Variants in FIRRM observed in about 807,000 individuals in gnomAD.
FIRRM encodes FIGNL1 interacting regulator of recombination and mitosis.
chr1:169,803,750 C>T, the FIRRM span, among the ~76,000 whole-genome samples: 3 of 152,160 alleles, frequency 2.0e-5, no homozygotes, highest in Non-Finnish European at 2.9e-5. Context: ...GGGTCACAGA[C>T]AGTTTTAATA....
chr1:169,803,219 T>A, the FIRRM span: 1 of 1,614,056 alleles, frequency 6.2e-7, no homozygotes, highest in Non-Finnish European at 8.5e-7. Flanking sequence ...AGCATATCTG[T>A]GCCACACAGG....
At chr1:169,819,915 GC>G in the FIRRM span, among the ~76,000 whole-genome samples, 1 of 152,194 alleles carries the variant, frequency 6.6e-6, no homozygotes, top group Non-Finnish European at 1.5e-5. Context: ...AAATGGCAAA[GC>G]CTTAGCTGCT....
At chr1:169,822,385 A>T in the FIRRM span, among the ~76,000 whole-genome samples, 1 of 152,238 alleles carries the variant, frequency 6.6e-6, no homozygotes, top group African/African-American at 2.4e-5. Context: ...CAAATTGAAC[A>T]TGGACAATAG....
the FIRRM span, chr1:169,803,254 A>C: frequency 6.2e-7 from 1 of 1,613,812 alleles, no homozygotes. Context: ...GAAAATATTC[A>C]GAGTCTCCCC....
At chr1:169,795,050 T>A in the FIRRM span, 1 of 1,426,222 alleles carries the variant, frequency 7.0e-7, no homozygotes, top group African/African-American at 1.4e-5. Context: ...ACTGCGAGTT[T>A]CCGGTCTGGG....
chr1:169,789,743 C>T, the FIRRM span, among the ~76,000 whole-genome samples: 2 of 152,148 alleles, frequency 1.3e-5, no homozygotes, highest in Admixed American at 6.5e-5. Flanking sequence ...AGGTTTAGAA[C>T]TTAGTGGTTT....
chr1:169,829,390 G>C, the FIRRM span: 1 of 1,613,798 alleles, frequency 6.2e-7, no homozygotes, highest in South Asian at 1.1e-5. Flanking sequence ...GTATCAGCAT[G>C]TTTGTGTTCA....
chr1:169,808,355 G>A, the FIRRM span, among the ~76,000 whole-genome samples: 1 of 152,122 alleles, frequency 6.6e-6, no homozygotes, highest in African/African-American at 2.4e-5. Flanking sequence ...GTATGTATCA[G>A]TCTTTTAAAT....
the FIRRM span, chr1:169,826,916 T>C: frequency 1.4e-6 from 1 of 719,040 alleles, no homozygotes; most frequent in South Asian, 2.8e-5. Flanking sequence ...TTTTGTTTTA[T>C]AAAATGCACA....
the FIRRM span, among the ~76,000 whole-genome samples, chr1:169,814,256 A>G: frequency 6.6e-6 from 1 of 152,248 alleles, no homozygotes; most frequent in Non-Finnish European, 1.5e-5. Context: ...CTTAGCACAC[A>G]GAGACCATAC....
the FIRRM span, chr1:169,806,041 C>T: frequency 6.2e-7 from 1 of 1,601,680 alleles, no homozygotes; most frequent in Non-Finnish European, 8.5e-7. Context: ...CTGTTATTTC[C>T]AGTATGGACC....
chr1:169,848,483 A>C, the FIRRM span, among the ~76,000 whole-genome samples: 1 of 152,212 alleles, frequency 6.6e-6, no homozygotes, highest in African/African-American at 2.4e-5. Context: ...TACATAATTA[A>C]AGCAAACACA....
chr1:169,807,464 T>G, the FIRRM span, among the ~76,000 whole-genome samples: 1 of 152,170 alleles, frequency 6.6e-6, no homozygotes, highest in Admixed American at 6.5e-5. Flanking sequence ...TATTTAACAT[T>G]CTCTCTCATG....
the FIRRM span, chr1:169,795,171 G>A: frequency 6.0e-5 from 92 of 1,536,118 alleles, 1 homozygote; most frequent in African/African-American, 9.8e-4. Context: ...GGCCAGAGGA[G>A]CTATGCCGCC....
At chr1:169,853,205 CAAAG>C in the FIRRM span, 2 of 562,020 alleles carry the variant, frequency 3.6e-6, no homozygotes, top group Non-Finnish European at 6.3e-6. Flanking sequence ...CCTAGGTCCA[CAAAG>C]AACCATTTAC....
chr1:169,832,639 G>T, the FIRRM span: 1 of 633,610 alleles, frequency 1.6e-6, no homozygotes, highest in Non-Finnish European at 2.7e-6. Flanking sequence ...GTCTCGCTCT[G>T]TCACCCAGGC....
At chr1:169,798,894 C>G in the FIRRM span, 2 of 1,277,002 alleles carry the variant, frequency 1.6e-6, no homozygotes, top group Admixed American at 4.6e-5. Flanking sequence ...TACTATGATA[C>G]TAGTATCTTC....
At chr1:169,806,312 G>C in the FIRRM span, among the ~76,000 whole-genome samples, 1 of 152,168 alleles carries the variant, frequency 6.6e-6, no homozygotes, top group African/African-American at 2.4e-5. Flanking sequence ...TTCCTAGTTA[G>C]CTAGTACTTC....
the FIRRM span, among the ~76,000 whole-genome samples, chr1:169,787,480 T>C: frequency 6.6e-6 from 1 of 152,184 alleles, no homozygotes. Context: ...TAGATTAGAA[T>C]CCTCCTTACC....
Sources: gnomAD v4.1 joint callset for allele counts (sites outside exome capture counted in the v4.1 genomes callset) on GRCh38, gnomAD v4.1.1 for gene constraint, MANE v1.5 for transcripts, NCBI Gene and HGNC (gene_info 2026-07-23, HGNC 2026-07-21) for gene names.